Variants in QTMAN observed in about 807,000 individuals in gnomAD.
QTMAN encodes queuosine-tRNA mannosyltransferase.
chr2:144,062,964 A>G, the QTMAN span, among the ~76,000 whole-genome samples: 1 of 152,294 alleles, frequency 6.6e-6, no homozygotes, highest in South Asian at 2.1e-4. Flanking sequence ...CAGAAAGGTC[A>G]TGTGAGGCCA....
chr2:144,089,503 C>T, the QTMAN span, among the ~76,000 whole-genome samples: 1 of 151,920 alleles, frequency 6.6e-6, no homozygotes, highest in Non-Finnish European at 1.5e-5. Context: ...AGGTTTATTG[C>T]AGCACTACTT....
chr2:144,218,240 T>C, the QTMAN span, among the ~76,000 whole-genome samples: 1 of 152,212 alleles, frequency 6.6e-6, no homozygotes, highest in Non-Finnish European at 1.5e-5. Context: ...GTAAATATAA[T>C]AGGTGGCATC....
the QTMAN span, among the ~76,000 whole-genome samples, chr2:144,052,681 C>T: frequency 1.3e-5 from 2 of 152,010 alleles, no homozygotes; most frequent in Admixed American, 6.6e-5. Context: ...GATGGAGTTT[C>T]GCTTTTGTTG....
At chr2:144,128,410 A>G in the QTMAN span, 7 of 152,088 alleles carry the variant, frequency 4.6e-5, no homozygotes, top group African/African-American at 1.7e-4. Flanking sequence ...TCAGAGAAAT[A>G]AAATTATTTT....
chr2:144,073,193 A>G, the QTMAN span, among the ~76,000 whole-genome samples: 1 of 151,568 alleles, frequency 6.6e-6, no homozygotes, highest in Non-Finnish European at 1.5e-5. Context: ...CTTCTCACTC[A>G]CTATAAAAAT....
chr2:143,974,628 G>A, the QTMAN span, among the ~76,000 whole-genome samples: 2 of 152,126 alleles, frequency 1.3e-5, no homozygotes, highest in East Asian at 3.8e-4. Flanking sequence ...GAATGTGTAT[G>A]TCTAGGAAAG....
At chr2:143,950,156 T>A in the QTMAN span, among the ~76,000 whole-genome samples, 1 of 151,768 alleles carries the variant, frequency 6.6e-6, no homozygotes, top group African/African-American at 2.4e-5. Flanking sequence ...AATTACTAAT[T>A]TATAAAACTT....
chr2:144,212,898 A>G, the QTMAN span, among the ~76,000 whole-genome samples: 2 of 152,206 alleles, frequency 1.3e-5, no homozygotes, highest in African/African-American at 2.4e-5. Context: ...GCAATATAAA[A>G]TAAGTCAAAG....
the QTMAN span, among the ~76,000 whole-genome samples, chr2:144,225,410 T>G: frequency 6.6e-6 from 1 of 152,184 alleles, no homozygotes; most frequent in Admixed American, 6.5e-5. Flanking sequence ...TTTATAGATA[T>G]CTTGATGTCA....
the QTMAN span, among the ~76,000 whole-genome samples, chr2:144,268,043 G>A: frequency 3.3e-5 from 5 of 152,164 alleles, no homozygotes; most frequent in African/African-American, 9.7e-5. Flanking sequence ...TAGTATTGGA[G>A]GTGTTGCAGG....
chr2:144,175,383 AG>A, the QTMAN span, among the ~76,000 whole-genome samples: 3 of 152,106 alleles, frequency 2.0e-5, no homozygotes, highest in Non-Finnish European at 4.4e-5. Context: ...GACACACAAA[AG>A]TCTGCCAAAA....
chr2:144,190,366 A>G, the QTMAN span, among the ~76,000 whole-genome samples: 5 of 152,236 alleles, frequency 3.3e-5, no homozygotes, highest in Non-Finnish European at 7.3e-5. Flanking sequence ...AAATAAAAAA[A>G]TATACTTACA....
chr2:144,160,210 G>A, the QTMAN span, among the ~76,000 whole-genome samples: 13 of 152,018 alleles, frequency 8.6e-5, no homozygotes, highest in Non-Finnish European at 1.9e-4. Context: ...ATCAAGGACA[G>A]TGTCTCATGC....
chr2:143,972,719 C>T, the QTMAN span, among the ~76,000 whole-genome samples: 1 of 152,036 alleles, frequency 6.6e-6, no homozygotes, highest in African/African-American at 2.4e-5. Flanking sequence ...TGTGTGAATC[C>T]CCTCTTTTTG....
At chr2:144,290,984 GTT>G in the QTMAN span, among the ~76,000 whole-genome samples, 3 of 152,172 alleles carry the variant, frequency 2.0e-5, no homozygotes, top group Non-Finnish European at 4.4e-5. Flanking sequence ...TGTCGGCAGG[GTT>G]GATTCCTTAG....
the QTMAN span, among the ~76,000 whole-genome samples, chr2:144,000,912 C>T: frequency 2.0e-5 from 3 of 151,962 alleles, no homozygotes; most frequent in Non-Finnish European, 2.9e-5. Context: ...TGTTCACAGC[C>T]TAGCATGGCA....
chr2:144,222,581 C>T, the QTMAN span, among the ~76,000 whole-genome samples: 2 of 151,342 alleles, frequency 1.3e-5, no homozygotes, highest in South Asian at 2.1e-4. Flanking sequence ...CCGAGGCGGG[C>T]GGATCACAAG....
the QTMAN span, chr2:143,941,602 G>T: frequency 6.6e-6 from 1 of 151,774 alleles, no homozygotes; most frequent in African/African-American, 2.4e-5. Context: ...GTGAACCCGG[G>T]AGGTGGAGCT....
At chr2:143,978,730 T>C in the QTMAN span, among the ~76,000 whole-genome samples, 1 of 152,240 alleles carries the variant, frequency 6.6e-6, no homozygotes, top group Non-Finnish European at 1.5e-5. Flanking sequence ...GGAGACTCTA[T>C]GGAACTAAAC....
Sources: allele counts gnomAD v4.1 joint callset (sites outside exome capture counted in the v4.1 genomes callset), GRCh38; gene constraint gnomAD v4.1.1; transcripts MANE v1.5; gene names NCBI Gene and HGNC (gene_info 2026-07-23, HGNC 2026-07-21).